The following PSD2 variants were observed in gnomAD, a reference collection of about 807,000 sequenced individuals.
PSD2 encodes the protein PH and SEC7 domain-containing protein 2.
A neutral mutation model predicts 69.8 loss-of-function variants in PSD2; 38 were observed. The observed-to-expected ratio is 0.54, with a 90% CI of 0.42 to 0.71. The LOEUF (loss-of-function observed/expected upper bound fraction) is 0.71, where lower values mean the gene tolerates loss of function less well. Ranked by LOEUF, PSD2 falls within the 30% of genes least tolerant of loss-of-function variation. The probability of loss-of-function intolerance (pLI) is 0.00; values close to 1 mark genes in which losing one functional copy is unlikely to be tolerated. For synonymous variants in PSD2, 412 were observed against 423.0 expected (o/e 0.97, Z 0.32); for missense variants, 943 against 1,014.5 (o/e 0.93, Z 0.96).
the PSD2 span, among the ~76,000 whole-genome samples, chr5:139,763,148 C>T: frequency 6.6e-6 from 1 of 152,038 alleles, no homozygotes; most frequent in African/African-American, 2.4e-5. Flanking sequence ...GGAGGAATAA[C>T]CCTGGCAGGA....
the PSD2 span, among the ~76,000 whole-genome samples, chr5:139,772,273 A>C: frequency 6.6e-6 from 1 of 152,098 alleles, no homozygotes; most frequent in Non-Finnish European, 1.5e-5. Flanking sequence ...AGCTCAGCCA[A>C]GTTCTCTGAG....
chr5:139,817,628 A>G, intron 5 of PSD2, 67 bp downstream of exon 5: 1 of 1,324,290 alleles, frequency 7.6e-7, no homozygotes, highest in Non-Finnish European at 1.1e-6. Flanking sequence ...TCTCATGTCA[A>G]CTCTACCATA....
chr5:139,759,299 C>T, the PSD2 span, among the ~76,000 whole-genome samples: 29 of 152,128 alleles, frequency 1.9e-4, no homozygotes, highest in African/African-American at 6.0e-4. Flanking sequence ...ACCGCCCGCG[C>T]GCGCTCTCTC....
At chr5:139,769,470 G>C in the PSD2 span, among the ~76,000 whole-genome samples, 26 of 152,216 alleles carry the variant, frequency 1.7e-4, no homozygotes, top group Middle Eastern at 6.8e-3. Flanking sequence ...GCTCCTCTGT[G>C]GGGGGCAGCC....
chr5:139,837,821 C>T lies in PSD2; in HGVS notation c.1823+39C>T, dbSNP rs1760774847. 1 of 1,580,114 alleles carries T rather than the reference C, an allele frequency of 6.3e-7. No homozygotes were observed. Among genetic ancestry groups the T allele is most frequent in the Admixed American group, 1.7e-5 (1 of 57,736 alleles). ...GGAGCCCTTCACTCCCACCTGGGGC[C>T]CAGGGCCACAGTGACCCGGCACACA... On this transcript the variant is annotated intron_variant, in intron 12 of 14. Transcript: ENST00000274710. The surrounding 1 kb of genome is among the most constrained non-coding windows in gnomAD (Gnocchi z 5.0).
chr5:139,757,914 G>A, the PSD2 span, among the ~76,000 whole-genome samples: 1 of 152,202 alleles, frequency 6.6e-6, no homozygotes, highest in Admixed American at 6.5e-5. Context: ...GGTGACTCAT[G>A]CCTGTAGTCC....
chr5:139,821,135 G>A (rs1259747615), intron 5 of PSD2, among the ~76,000 whole-genome samples: 1 of 152,144 alleles, frequency 6.6e-6, no homozygotes, highest in Non-Finnish European at 1.5e-5. Context: ...GTTTCACCAT[G>A]TTGGCCAGGC....
intron 7 of PSD2, among the ~76,000 whole-genome samples, chr5:139,829,218 G>A (rs1323855221): frequency 6.6e-6 from 1 of 152,158 alleles, no homozygotes; most frequent in African/African-American, 2.4e-5. Context: ...CAATTCTAGT[G>A]AATGTTTCAT....
intron 1 of PSD2, among the ~76,000 whole-genome samples, chr5:139,799,919 G>A (rs959853905): frequency 2.0e-5 from 3 of 152,170 alleles, no homozygotes; most frequent in Non-Finnish European, 4.4e-5. Context: ...GAGTGTATGA[G>A]GTCTGAGGTG....
At chr5:139,792,478 C>T (rs988540598), upstream of PSD2, among the ~76,000 whole-genome samples, 2 of 152,026 alleles carry the variant, frequency 1.3e-5, no homozygotes, top group Non-Finnish European at 2.9e-5. Flanking sequence ...AAGGGCCAGG[C>T]GGTAAACCAT....
chr5:139,766,912 C>CTTTCTTTCTTT, the PSD2 span, among the ~76,000 whole-genome samples: 7 of 64,844 alleles, frequency 1.1e-4, 2 homozygotes, highest in Admixed American at 1.5e-4. Context: ...TCCCTCCCTT[C>CTTTCTTTCTTT]CTTCCTTCCT....
chr5:139,795,224 T>TCCGTC (rs944293676), upstream of PSD2, among the ~76,000 whole-genome samples: 1 of 152,084 alleles, frequency 6.6e-6, no homozygotes, highest in Non-Finnish European at 1.5e-5. The surrounding 1 kb of genome is among the most constrained non-coding windows in gnomAD (Gnocchi z 4.5). Context: ...AGCCCAGGTC[T>TCCGTC]CCGTCCCGTC....
intron 4 of PSD2, among the ~76,000 whole-genome samples, chr5:139,815,152 G>A (rs1172906063): frequency 4.6e-5 from 7 of 152,126 alleles, no homozygotes; most frequent in African/African-American, 1.4e-4. Flanking sequence ...GGGCGGCTCA[G>A]GTCCTGGATC....
chr5:139,806,729 T>G (rs1176784556), intron 1 of PSD2, among the ~76,000 whole-genome samples: 1 of 152,136 alleles, frequency 6.6e-6, no homozygotes. Flanking sequence ...AGAGTGAGCA[T>G]GTGGGGCATC....
the PSD2 span, among the ~76,000 whole-genome samples, chr5:139,765,435 C>G: frequency 1.3e-5 from 2 of 152,226 alleles, no homozygotes; most frequent in African/African-American, 4.8e-5. Context: ...CAGTACCCTG[C>G]ACATCCACTG....
chr5:139,780,326 A>G, the PSD2 span, among the ~76,000 whole-genome samples: 6 of 152,202 alleles, frequency 3.9e-5, no homozygotes, highest in African/African-American at 1.4e-4. Context: ...TTTCTCATGG[A>G]CAGATGAATG....
In PSD2 at chr5:139,837,233, CAGA is replaced by C; in HGVS notation, c.1663_1665del (p.Lys555del). On this transcript the variant is annotated inframe_deletion and splice_region_variant, in exon 11 of 15. Coordinates refer to ENST00000274710, the MANE Select transcript of PSD2 (RefSeq NM_032289.4). This position sits in a 1 kb window ranked among gnomAD's most constrained non-coding sequence, Gnocchi z 5.0. ...GCTCAAAGGGACCATCCTGTACCTG[CAGA>C]AGGTGAGAGACTGCCCCAGAGACCT... 2.5e-6 allele frequency: 4 copies of C among 1,613,886 alleles called. No homozygotes were observed. The highest frequency in any genetic ancestry group is 3.4e-6 in the Non-Finnish European group (4 of 1,179,782).
chr5:139,781,338 CT>C, the PSD2 span, among the ~76,000 whole-genome samples: 1,066 of 145,754 alleles, frequency 7.3e-3, 12 homozygotes, highest in African/African-American at 0.023. Flanking sequence ...ATATCTCTCT[CT>C]TTTTTTTTTT....
the PSD2 span, among the ~76,000 whole-genome samples, chr5:139,763,646 G>C: frequency 6.6e-6 from 1 of 152,176 alleles, no homozygotes; most frequent in Non-Finnish European, 1.5e-5. Context: ...CACCTTCCCT[G>C]CTCCTCTCGG....
Sources: allele counts gnomAD v4.1 joint callset (sites outside exome capture counted in the v4.1 genomes callset), GRCh38; gene constraint gnomAD v4.1.1; non-coding constraint Gnocchi (gnomAD v3.1); transcripts MANE v1.5; gene names NCBI Gene and HGNC (gene_info 2026-07-23, HGNC 2026-07-21).